The following ATP10B variants were observed in gnomAD, a reference collection of about 807,000 sequenced individuals.
ATP10B encodes the protein phospholipid-transporting ATPase VB.
ATP10B carries 122 observed loss-of-function variants against 141.2 expected under a neutral mutation model. The ratio of observed to expected loss-of-function variants is 0.86; its 90% CI spans 0.75 to 1.00. The LOEUF (loss-of-function observed/expected upper bound fraction) is 1.00. Ranked by LOEUF, ATP10B falls within the 50% of genes least tolerant of loss-of-function variation. The pLI is 0.00. For missense variants in ATP10B, 1,876 were observed against 1,825.3 expected, an observed-to-expected ratio of 1.03 and a Z score of -0.51; for synonymous variants, 685 against 692.0, an observed-to-expected ratio of 0.99 and a Z score of 0.16.
chr5:160,783,000 C>G (rs1770832509), intron 2 of ATP10B, among the ~76,000 whole-genome samples: 1 of 151,984 alleles, frequency 6.6e-6, no homozygotes, highest in Admixed American at 6.6e-5. Context: ...TTGTATGCCT[C>G]CTCCAGGAGA....
chr5:160,644,357 T>C (rs1339143025), intron 8 of ATP10B, 113 bp from the exon 9 acceptor site: 2 of 736,862 alleles, frequency 2.7e-6, no homozygotes, highest in Non-Finnish European at 4.9e-6. Flanking sequence ...TCCTCCCTGT[T>C]TTTTCAGAAG....
intron 25 of ATP10B, among the ~76,000 whole-genome samples, chr5:160,566,211 T>C (rs562049113): frequency 5.9e-5 from 9 of 152,326 alleles, no homozygotes; most frequent in African/African-American, 2.2e-4. Flanking sequence ...TTGAGGAAAC[T>C]GAGGGACTGA....
At chr5:160,769,880 T>C (rs1364511345) in intron 2 of ATP10B, among the ~76,000 whole-genome samples, 1 of 152,144 alleles carries the variant, frequency 6.6e-6, no homozygotes, top group African/African-American at 2.4e-5. Flanking sequence ...CATGCCCTAA[T>C]GATAAACAAG....
chr5:160,683,317 G>C (rs1328311841), intron 6 of ATP10B, among the ~76,000 whole-genome samples: 1 of 152,184 alleles, frequency 6.6e-6, no homozygotes. Context: ...TCCAAGCAAA[G>C]AGACAAGAAG....
the ATP10B span, among the ~76,000 whole-genome samples, chr5:160,889,416 T>C: frequency 6.6e-6 from 1 of 151,938 alleles, no homozygotes; most frequent in African/African-American, 2.4e-5. Context: ...TTAAAAGGAG[T>C]TGCTCAAAAC....
the ATP10B span, among the ~76,000 whole-genome samples, chr5:160,881,669 G>A: frequency 5.9e-5 from 9 of 152,140 alleles, no homozygotes; most frequent in South Asian, 1.7e-3. Flanking sequence ...AAAATTATCC[G>A]GGCGTGGGGT....
At chr5:160,685,582 C>T (rs142832321) in intron 6 of ATP10B, among the ~76,000 whole-genome samples, 27 of 152,306 alleles carry the variant, frequency 1.8e-4, no homozygotes, top group Non-Finnish European at 3.2e-4. Flanking sequence ...AAATGGCAGA[C>T]ATTTTCTTGG....
chr5:160,807,473 A>G (rs1772859048), intron 1 of ATP10B, among the ~76,000 whole-genome samples: 1 of 152,232 alleles, frequency 6.6e-6, no homozygotes, highest in South Asian at 2.1e-4. Flanking sequence ...GAGATGTTGT[A>G]AAGAATACTT....
intron 13 of ATP10B, among the ~76,000 whole-genome samples, chr5:160,625,424 T>C (rs1171055949): frequency 6.6e-6 from 1 of 152,194 alleles, no homozygotes; most frequent in Admixed American, 6.5e-5. Flanking sequence ...ATTTCTTTTT[T>C]AGGGGGAGGG....
At chr5:160,904,903 G>A in the ATP10B span, among the ~76,000 whole-genome samples, 6,502 of 152,260 alleles carry the variant, frequency 0.043, 279 homozygotes, top group East Asian at 0.23. Flanking sequence ...GGGACAAGGG[G>A]ATTTGGAGAA....
At chr5:160,766,667 C>A (rs1473436096) in intron 2 of ATP10B, among the ~76,000 whole-genome samples, 1 of 151,982 alleles carries the variant, frequency 6.6e-6, no homozygotes, top group African/African-American at 2.4e-5. Context: ...ATGGGTGCAC[C>A]AAAATATCAG....
intron 1 of ATP10B, among the ~76,000 whole-genome samples, chr5:160,835,758 G>A (rs1258219104): frequency 2.0e-5 from 3 of 152,112 alleles, no homozygotes; most frequent in Non-Finnish European, 4.4e-5. Context: ...TTGGCTTCTA[G>A]GTAAAGATTT....
the ATP10B span, among the ~76,000 whole-genome samples, chr5:160,923,937 G>A: frequency 6.6e-6 from 1 of 152,212 alleles, no homozygotes; most frequent in African/African-American, 2.4e-5. Context: ...TGGGGCTGAG[G>A]CGCCTTGGAG....
intron 3 of ATP10B, among the ~76,000 whole-genome samples, chr5:160,716,404 C>T (rs929715633): frequency 3.3e-5 from 5 of 152,102 alleles, no homozygotes; most frequent in African/African-American, 7.2e-5. Flanking sequence ...CCCCATTTTA[C>T]AGATGAAGAA....
chr5:160,616,584 G>C (rs1758013609), intron 16 of ATP10B, among the ~76,000 whole-genome samples: 1 of 152,246 alleles, frequency 6.6e-6, no homozygotes, highest in Non-Finnish European at 1.5e-5. Context: ...GGAGTGCCCA[G>C]TAGCTGGAAT....
chr5:160,653,894 TG>T (rs1761242586), intron 7 of ATP10B, among the ~76,000 whole-genome samples: 3 of 91,318 alleles, frequency 3.3e-5, no homozygotes, highest in African/African-American at 1.3e-4. Flanking sequence ...TATAAATATA[TG>T]TAGTATATAC....
chr5:160,783,983 C>T (rs544239903), intron 2 of ATP10B, among the ~76,000 whole-genome samples: 9 of 152,162 alleles, frequency 5.9e-5, no homozygotes, highest in East Asian at 1.9e-4. Context: ...CTTATCATCG[C>T]GGCTCATCAG....
chr5:160,824,103 G>A (rs1401044131), intron 1 of ATP10B, among the ~76,000 whole-genome samples: 1 of 151,560 alleles, frequency 6.6e-6, no homozygotes, highest in Admixed American at 6.6e-5. Flanking sequence ...CTTACTGCAA[G>A]CTCCGCCTCC....
rs886365951 is a variant in ATP10B at position 160,717,377 on chromosome 5, A to G, written c.-330-343T>C. 3.3e-5 allele frequency among the ~76,000 whole-genome samples: 5 copies of G among 152,296 alleles called. No individual in the cohort carries two copies. In the South Asian group the frequency reaches 8.3e-4, roughly 25 times the overall value. On this transcript the variant is annotated intron_variant, in intron 2 of 25. Transcript: ENST00000327245. ...TGGTGTGTCTTTGGGGAGCGTATGTATATCTCCAATTCTCTTCTTCTGTTG... is the reference window on the plus strand; with the variant it reads ...TGGTGTGTCTTTGGGGAGCGTATGTGTATCTCCAATTCTCTTCTTCTGTTG...
Sources: gnomAD v4.1 joint callset for allele counts (sites outside exome capture counted in the v4.1 genomes callset) on GRCh38, gnomAD v4.1.1 for gene constraint, MANE v1.5 for transcripts, NCBI Gene and HGNC (gene_info 2026-07-23, HGNC 2026-07-21) for gene names.